Variants in ARHGEF10 observed in about 807,000 individuals in gnomAD.
The protein encoded by ARHGEF10 is Rho guanine nucleotide exchange factor (GEF) 10.
A neutral mutation model predicts 147.4 loss-of-function variants in ARHGEF10; 140 were observed. The observed-to-expected ratio is 0.95, with a 90% CI of 0.83 to 1.09. The LOEUF is 1.09. ARHGEF10 is among the 50% of genes least tolerant of loss of function. The pLI is 0.00. For missense variants in ARHGEF10, 2,222 were observed against 1,752.7 expected, an observed-to-expected ratio of 1.27 and a Z score of -4.78; for synonymous variants, 902 against 695.8, an observed-to-expected ratio of 1.30 and a Z score of -4.67.
intron 4 of ARHGEF10, among the ~76,000 whole-genome samples, chr8:1,862,151 C>G (rs559524491): frequency 1.3e-5 from 2 of 152,218 alleles, no homozygotes; most frequent in Non-Finnish European, 2.9e-5. Context: ...GTGTTAGGCC[C>G]GGTCCCCAGC....
At chr8:1,935,156 A>G (rs1406866279) in intron 26 of ARHGEF10, among the ~76,000 whole-genome samples, 1 of 152,156 alleles carries the variant, frequency 6.6e-6, no homozygotes, top group Non-Finnish European at 1.5e-5. Context: ...GGTTCACTGC[A>G]AAATTGAATG....
intron 1 of ARHGEF10, among the ~76,000 whole-genome samples, chr8:1,841,938 G>T (rs183461766): frequency 0.046 from 3,308 of 72,200 alleles, 395 homozygotes; most frequent in South Asian, 0.062. Context: ...GGGAACTGGG[G>T]CCGCGACCGG....
chr8:1,933,847 C>T lies in ARHGEF10; in HGVS notation c.3127C>T (p.Leu1043=), dbSNP rs1450457241. ...TCAAAAAGTGATCAAGTTAGGCGTC[C>T]TACCAGTTAGAAGTCTACTCATGAT... The part of the protein sequence containing the change: ...EPQKVIKLGV[L]PVRSLLMMED... Residue 1043 remains leucine (L), a synonymous_variant, in exon 26 of 29, where the codon CTA becomes TTA. Transcript: ENST00000349830. 2 of 1,614,182 alleles carry T rather than the reference C, an allele frequency of 1.2e-6. No homozygotes were observed. Among genetic ancestry groups the T allele is most frequent in the South Asian group, 2.2e-5 (2 of 91,082 alleles).
chr8:1,919,371 C>G (rs980146080), intron 18 of ARHGEF10, among the ~76,000 whole-genome samples: 1 of 143,094 alleles, frequency 7.0e-6, no homozygotes, highest in Non-Finnish European at 1.5e-5. Flanking sequence ...AGTGATGAAG[C>G]TGTTCTCTGG....
intron 26 of ARHGEF10, among the ~76,000 whole-genome samples, chr8:1,934,776 T>C (rs549920391): frequency 2.6e-4 from 40 of 152,214 alleles, no homozygotes; most frequent in Non-Finnish European, 4.7e-4. Flanking sequence ...TACTTTGCAA[T>C]GGAGAAAGCC....
intron 6 of ARHGEF10, among the ~76,000 whole-genome samples, chr8:1,868,979 T>G (rs547663784): frequency 9.9e-5 from 15 of 152,278 alleles, no homozygotes; most frequent in African/African-American, 3.6e-4. Flanking sequence ...AAAATAATGC[T>G]TATGCTTTGG....
chr8:1,870,162 G>A (rs1257651190), intron 7 of ARHGEF10: 5 of 151,994 alleles, frequency 3.3e-5, no homozygotes, highest in African/African-American at 1.2e-4. Flanking sequence ...CTGAAGAGGA[G>A]GGTGACCGTT....
chr8:1,894,704 C>A, intron 13 of ARHGEF10, 132 bp downstream of exon 13: 2 of 1,026,724 alleles, frequency 1.9e-6, no homozygotes, highest in Non-Finnish European at 3.0e-6. Flanking sequence ...AAAGGCCAGG[C>A]TGAAGTTGCA....
Position 1,945,557 on chromosome 8 carries a change from C to T in ARHGEF10, c.3299C>T (p.Ala1100Val). The change falls in exon 27 of 29, where the codon GCC becomes GTC. Residue 1100 changes from alanine (A) to valine (V), a missense_variant. Ala to Val is a moderately conservative substitution (Grantham distance 64, BLOSUM62 0). Transcript: ENST00000349830. ...MAVSGVGIWIAFTSGSTLRLF... is the reference protein window; with the variant it reads ...MAVSGVGIWIVFTSGSTLRLF... ...GTGTCCGGCGTCGGGATCTGGATTG[C>T]CTTCACCTCAGGGTCCACGCTCCGC... The T allele has an allele frequency of 6.2e-7, 1 of 1,614,238 alleles. No individual in the cohort carries two copies. The highest frequency in any genetic ancestry group is 8.5e-7 in the Non-Finnish European group (1 of 1,180,040).
chr8:1,913,072 T>A (rs1811496204), intron 18 of ARHGEF10, among the ~76,000 whole-genome samples: 1 of 152,172 alleles, frequency 6.6e-6, no homozygotes, highest in Non-Finnish European at 1.5e-5. Context: ...CCTCAATTCA[T>A]TTTCAACAGA....
At position 1,925,410 on chromosome 8, in the gene ARHGEF10, G is replaced by C. The variant is rs1030534367; in HGVS notation, c.2610+6G>C. ...CCAAGCAGCAGGAGTTCAAGGTGAA[G>C]GGAGGCAGGGCCCGCGGCCCGGGGT... On this transcript the variant is annotated splice_donor_region_variant and intron_variant, in intron 22 of 28. Transcript: ENST00000349830. The C allele has an allele frequency of 4.3e-6, 7 of 1,613,940 alleles. No homozygotes were observed. The highest frequency in any genetic ancestry group is 5.9e-6 in the Non-Finnish European group (7 of 1,179,982).
chr8:1,891,221 A>C (rs1318258655), intron 11 of ARHGEF10, among the ~76,000 whole-genome samples: 1 of 152,092 alleles, frequency 6.6e-6, no homozygotes, highest in African/African-American at 2.4e-5. Context: ...AGCTTTCTTT[A>C]TTGTAGTCAT....
chr8:1,849,238 CTGCGGGGA>C (rs1804785299), intron 2 of ARHGEF10, among the ~76,000 whole-genome samples: 2 of 152,114 alleles, frequency 1.3e-5, no homozygotes, highest in African/African-American at 4.8e-5. Flanking sequence ...TGTGGGGCGG[CTGCGGGGA>C]CACAGACGGC....
chr8:1,893,794 C>T (rs1809745228), intron 12 of ARHGEF10, 148 bp downstream of exon 12: 3 of 642,526 alleles, frequency 4.7e-6, no homozygotes, highest in Non-Finnish European at 8.4e-6. Context: ...AGTATTATGT[C>T]TGTATATTGA....
chr8:1,926,733 A>G, intron 23 of ARHGEF10: 2 of 504,906 alleles, frequency 4.0e-6, no homozygotes, highest in Non-Finnish European at 7.1e-6. Flanking sequence ...ACTAACTAAT[A>G]AGAGAATAAT....
In ARHGEF10 at chr8:1,841,880, T is replaced by C. The variant is rs868048680; in HGVS notation, c.-47-1473T>C. 5.9e-4 allele frequency among the ~76,000 whole-genome samples: 59 copies of C among 100,194 alleles called. 1 individual carries two copies. Among genetic ancestry groups the C allele is most frequent in the Non-Finnish European group, 8.5e-4 (42 of 49,550 alleles). 65.7% of individuals were successfully genotyped at this position (100,194 alleles called of 152,430 possible). A position where few individuals can be genotyped will look rare whatever the true frequency, so the allele number is the denominator to read the frequency against. On this transcript the variant is annotated intron_variant, in intron 1 of 28. Transcript: ENST00000349830. ...CGGGAACTGGGGCCGCGGCGGGAAC[T>C]GGGGCCGCGGCGGGAACTGGGGCCG...
intron 10 of ARHGEF10, 24 bp downstream of exon 10, chr8:1,882,773 C>G (rs375105779): frequency 3.0e-6 from 4 of 1,318,258 alleles, no homozygotes; most frequent in Non-Finnish European, 3.0e-6. Flanking sequence ...GGTCTTCTTG[C>G]GGGGAGGACA....
At position 1,833,156 on chromosome 8, in the gene ARHGEF10, AGAGGCAGAGACAGAAGCAGAGG is replaced by A. The variant is rs1465185445; in HGVS notation, c.-48+9065_-48+9086del. 2.2e-4 allele frequency among the ~76,000 whole-genome samples: 34 copies of A among 151,390 alleles called. 1 individual carries two copies. The highest frequency in any genetic ancestry group is 7.3e-4 in the African/African-American group (30 of 41,158). The stretch of plus-strand genomic sequence containing the variant: ...CAGAGGCAGAGACAGAAGCAGAGAC[AGAGGCAGAGACAGAAGCAGAGG>A]GAGGCAGAGACAGAAGCAGAGACAG... On this transcript the variant is annotated intron_variant, in intron 1 of 28. Transcript: ENST00000349830.
Position 1,952,808 on chromosome 8 carries a change from A to G in ARHGEF10, c.3501A>G (p.Gln1167=). ...VLVALPVPRL[Q]GIPKVTGRGM... ...TGGCCCTGCCGGTCCCACGTCTGCA[A>G]GGGATTCCCAAAGTGACCGGTGAGT... The change falls in exon 28 of 29, where the codon CAA becomes CAG. Residue 1167 remains glutamine, a synonymous_variant. Coordinates refer to ENST00000349830, the MANE Select transcript of ARHGEF10 (RefSeq NM_014629.4). The G allele has an allele frequency of 6.2e-7, 1 of 1,613,910 alleles. No individual in the cohort carries two copies. Among genetic ancestry groups the G allele is most frequent in the Non-Finnish European group, 8.5e-7 (1 of 1,180,050 alleles).
Sources: allele counts gnomAD v4.1 joint callset (sites outside exome capture counted in the v4.1 genomes callset), GRCh38; gene constraint gnomAD v4.1.1; transcripts MANE v1.5; gene names NCBI Gene and HGNC (gene_info 2026-07-23, HGNC 2026-07-21).